SGCE: variants seen among roughly 807,000 people sequenced by gnomAD.
SGCE encodes the protein sarcoglycan epsilon.
SGCE carries 26 observed loss-of-function variants against 57.8 expected under a neutral mutation model. The ratio of observed to expected loss-of-function variants is 0.45; its 90% CI spans 0.33 to 0.62. SGCE has a LOEUF of 0.62. SGCE is among the 20% of genes least tolerant of loss of function. The probability of loss-of-function intolerance (pLI) is 0.02; values close to 1 mark genes in which losing one functional copy is unlikely to be tolerated. For synonymous variants in SGCE, 183 were observed against 189.5 expected (o/e 0.97, Z 0.28); for missense variants, 468 against 548.6 (o/e 0.85, Z 1.47).
intron 4 of SGCE, chr7:94,622,295 T>C (rs1391845568): frequency 1.3e-5 from 2 of 151,914 alleles, no homozygotes; most frequent in African/African-American, 2.4e-5. Flanking sequence ...TTCTCATAAA[T>C]GATATCTAAC....
intron 1 of SGCE, among the ~76,000 whole-genome samples, chr7:94,644,426 G>A (rs553794492): frequency 6.6e-6 from 1 of 152,288 alleles, no homozygotes; most frequent in African/African-American, 2.4e-5. Context: ...TGCTGACTGG[G>A]GGAGGAGAGG....
At chr7:94,614,606 A>G (rs566203029) in intron 5 of SGCE, among the ~76,000 whole-genome samples, 2 of 152,252 alleles carry the variant, frequency 1.3e-5, no homozygotes, top group Non-Finnish European at 1.5e-5. Context: ...TCATTTTCTC[A>G]GCAGGCTAAT....
chr7:94,644,800 C>T, intron 1 of SGCE: 1 of 257,112 alleles, frequency 3.9e-6, no homozygotes, highest in South Asian at 3.6e-5. Flanking sequence ...TTTTCTCTTC[C>T]CTTCTTTTAT....
intron 10 of SGCE, chr7:94,588,306 C>A: frequency 9.4e-7 from 1 of 1,069,016 alleles, no homozygotes. Context: ...CAATGGTTTC[C>A]TTTTGTAAGA....
At chr7:94,652,245 C>A (rs914252952) in intron 1 of SGCE, among the ~76,000 whole-genome samples, 12 of 152,190 alleles carry the variant, frequency 7.9e-5, no homozygotes, top group African/African-American at 2.9e-4. Context: ...CATTTTTTTA[C>A]ACTGGAGGTA....
At chr7:94,644,054 T>C (rs1020034803) in intron 1 of SGCE, among the ~76,000 whole-genome samples, 1 of 152,220 alleles carries the variant, frequency 6.6e-6, no homozygotes, top group African/African-American at 2.4e-5. Flanking sequence ...TTCATGGTAA[T>C]CTACATTACA....
chr7:94,608,579 G>A (rs1419492313), intron 5 of SGCE, among the ~76,000 whole-genome samples: 9 of 152,084 alleles, frequency 5.9e-5, no homozygotes, highest in Admixed American at 5.9e-4. Context: ...TTATTCTAAA[G>A]TTTATATGGA....
intron 9 of SGCE, chr7:94,590,936 C>A (rs992952129): frequency 6.6e-6 from 1 of 151,904 alleles, no homozygotes; most frequent in Non-Finnish European, 1.5e-5. Flanking sequence ...ATAGGTAACA[C>A]CTTTGAGAGT....
intron 1 of SGCE, 82 bp from the exon 2 acceptor site, chr7:94,629,923 A>G: frequency 1.3e-6 from 2 of 1,518,234 alleles, no homozygotes; most frequent in Admixed American, 1.7e-5. Flanking sequence ...GCTGTTTATA[A>G]AGAGGGGTCT....
rs943586002 is a variant in SGCE at position 94,602,586 on chromosome 7, GA to G, written c.825+703del. 6.2e-3 allele frequency among the ~76,000 whole-genome samples: 872 copies of G among 140,806 alleles called. 11 individuals carry two copies. The highest frequency in any genetic ancestry group is 0.018 in the African/African-American group (695 of 38,458). 92.4% of individuals were successfully genotyped at this position (140,806 alleles called of 152,430 possible). ...TCAGTTGGATACATTAATATGAAAA[GA>G]AAAAAAAAACAAAGAATTGAAACAA... On this transcript the variant is annotated intron_variant, in intron 6 of 10. Transcript: ENST00000648936.
At chr7:94,587,870 C>G in intron 10 of SGCE, 1 of 1,521,126 alleles carries the variant, frequency 6.6e-7, no homozygotes, top group Non-Finnish European at 8.8e-7. Context: ...ACATCCAACA[C>G]ATTTCTGAAT....
At chr7:94,623,626 A>T (rs1189508117) in intron 3 of SGCE, 2 of 505,066 alleles carry the variant, frequency 4.0e-6, no homozygotes, top group African/African-American at 3.9e-5. Context: ...AAAAGTTAAA[A>T]TCAGAAAGAC....
chr7:94,628,398 T>C (rs1355410191), intron 2 of SGCE, 39 bp from the exon 3 acceptor site: 1 of 1,517,784 alleles, frequency 6.6e-7, no homozygotes, highest in East Asian at 2.3e-5. Flanking sequence ...AAGACAGTTA[T>C]TTTCACACAT....
At chr7:94,654,920 A>C (rs917362588) in intron 1 of SGCE, among the ~76,000 whole-genome samples, 5 of 152,224 alleles carry the variant, frequency 3.3e-5, no homozygotes, top group African/African-American at 4.8e-5. Context: ...ACAGATTGTC[A>C]GTTTCCCAAG....
At chr7:94,654,080 T>A (rs947368563) in intron 1 of SGCE, among the ~76,000 whole-genome samples, 2 of 152,128 alleles carry the variant, frequency 1.3e-5, no homozygotes, top group African/African-American at 2.4e-5. Flanking sequence ...GCAGACTCTA[T>A]AATGTTTACT....
chr7:94,613,535 G>C (rs1335678250), intron 5 of SGCE, among the ~76,000 whole-genome samples: 1 of 152,144 alleles, frequency 6.6e-6, no homozygotes, highest in Non-Finnish European at 1.5e-5. Context: ...GAGTGCACTA[G>C]ATAGAGTTGT....
At chr7:94,611,120 T>C (rs1459858792) in intron 5 of SGCE, among the ~76,000 whole-genome samples, 1 of 152,204 alleles carries the variant, frequency 6.6e-6, no homozygotes, top group Non-Finnish European at 1.5e-5. Flanking sequence ...AGAGTTACCA[T>C]ATGACCCAGC....
intron 6 of SGCE, 88 bp from the exon 7 acceptor site, chr7:94,600,945 G>T: frequency 9.0e-7 from 1 of 1,108,164 alleles, no homozygotes; most frequent in Non-Finnish European, 1.3e-6. Context: ...AGCATTCTTT[G>T]ACAAATTATC....
chr7:94,647,780 C>A (rs929947981), intron 1 of SGCE, among the ~76,000 whole-genome samples: 2 of 152,184 alleles, frequency 1.3e-5, no homozygotes, highest in African/African-American at 4.8e-5. Context: ...TATACCGTCC[C>A]TCCTTACTAA....
Sources: allele counts gnomAD v4.1 joint callset (sites outside exome capture counted in the v4.1 genomes callset), GRCh38; gene constraint gnomAD v4.1.1; transcripts MANE v1.5; gene names NCBI Gene and HGNC (gene_info 2026-07-23, HGNC 2026-07-21).